Variants in ARK2C observed in about 807,000 individuals in gnomAD.
The protein encoded by ARK2C is E3 ubiquitin-protein ligase ARK2C.
At chr18:46,415,419 G>A in the ARK2C span, among the ~76,000 whole-genome samples, 5 of 151,888 alleles carry the variant, frequency 3.3e-5, no homozygotes, top group African/African-American at 9.7e-5. Context: ...CCAGCTACTC[G>A]GGAGGCTGAG....
chr18:46,384,942 C>T, the ARK2C span, among the ~76,000 whole-genome samples: 1 of 152,248 alleles, frequency 6.6e-6, no homozygotes, highest in Non-Finnish European at 1.5e-5. Flanking sequence ...AGCCAGGGCA[C>T]ACACACAGCT....
chr18:46,431,143 G>A, the ARK2C span, among the ~76,000 whole-genome samples: 1 of 152,154 alleles, frequency 6.6e-6, no homozygotes, highest in Admixed American at 6.5e-5. Context: ...AGCATGCGGT[G>A]TTTGGTTTTC....
the ARK2C span, among the ~76,000 whole-genome samples, chr18:46,397,666 TTGTGTG>T: frequency 1.5e-4 from 9 of 59,410 alleles, no homozygotes; most frequent in African/African-American, 6.1e-4. Context: ...TGGGGCAGAA[TTGTGTG>T]TGTGTGTGTG....
the ARK2C span, among the ~76,000 whole-genome samples, chr18:46,367,420 C>T: frequency 6.6e-6 from 1 of 152,060 alleles, no homozygotes; most frequent in African/African-American, 2.4e-5. Flanking sequence ...ATAGTAGTGA[C>T]CTGAAAAAGA....
chr18:46,416,415 C>G, the ARK2C span, among the ~76,000 whole-genome samples: 10 of 152,210 alleles, frequency 6.6e-5, no homozygotes, highest in Non-Finnish European at 1.3e-4. Flanking sequence ...TGCATCCAGC[C>G]CTGTCCTGAG....
At chr18:46,392,058 C>A in the ARK2C span, among the ~76,000 whole-genome samples, 12 of 151,700 alleles carry the variant, frequency 7.9e-5, no homozygotes, top group African/African-American at 2.7e-4. Context: ...AACACACACA[C>A]CACACACAAT....
chr18:46,409,185 T>C, the ARK2C span, among the ~76,000 whole-genome samples: 2 of 152,180 alleles, frequency 1.3e-5, no homozygotes, highest in Non-Finnish European at 2.9e-5. Context: ...AGAATGTTGA[T>C]GCCTCAAAAG....
the ARK2C span, among the ~76,000 whole-genome samples, chr18:46,387,754 AG>A: frequency 6.6e-6 from 1 of 152,262 alleles, no homozygotes; most frequent in Non-Finnish European, 1.5e-5. Flanking sequence ...TTCATCATCG[AG>A]GACTGCTGAA....
the ARK2C span, among the ~76,000 whole-genome samples, chr18:46,390,473 C>T: frequency 6.6e-6 from 1 of 152,198 alleles, no homozygotes; most frequent in Non-Finnish European, 1.5e-5. Context: ...GCTTCTATGT[C>T]TTCGGGTAGT....
At chr18:46,451,180 A>G in the ARK2C span, among the ~76,000 whole-genome samples, 1 of 152,210 alleles carries the variant, frequency 6.6e-6, no homozygotes, top group Non-Finnish European at 1.5e-5. Flanking sequence ...AAATAATTCT[A>G]TGTCCAATCT....
the ARK2C span, among the ~76,000 whole-genome samples, chr18:46,415,726 G>A: frequency 6.6e-6 from 1 of 152,040 alleles, no homozygotes; most frequent in Non-Finnish European, 1.5e-5. Context: ...TTGAGCCTCA[G>A]TTTCTTCATC....
chr18:46,407,343 G>GCTGCC, the ARK2C span, among the ~76,000 whole-genome samples: 1 of 152,126 alleles, frequency 6.6e-6, no homozygotes, highest in African/African-American at 2.4e-5. Flanking sequence ...ACTGAGAATT[G>GCTGCC]CTGCCCATGG....
the ARK2C span, among the ~76,000 whole-genome samples, chr18:46,357,908 G>C: frequency 6.6e-6 from 1 of 152,192 alleles, no homozygotes; most frequent in Non-Finnish European, 1.5e-5. Flanking sequence ...CTCTCTTCTG[G>C]GGGTTGCTGG....
chr18:46,359,309 G>A, the ARK2C span, among the ~76,000 whole-genome samples: 2 of 152,146 alleles, frequency 1.3e-5, no homozygotes, highest in Non-Finnish European at 2.9e-5. Flanking sequence ...TTCACAAAAC[G>A]ATGAACGTGA....
the ARK2C span, among the ~76,000 whole-genome samples, chr18:46,427,730 G>C: frequency 1.3e-5 from 2 of 152,232 alleles, no homozygotes; most frequent in African/African-American, 4.8e-5. Flanking sequence ...CACCAAGCCA[G>C]GTGCGTGGGG....
chr18:46,430,043 G>A, the ARK2C span, among the ~76,000 whole-genome samples: 5 of 152,304 alleles, frequency 3.3e-5, no homozygotes, highest in African/African-American at 9.6e-5. Context: ...AGATCCCTGC[G>A]CAGCTGTGTG....
At chr18:46,335,496 C>T in the ARK2C span, 1 of 152,268 alleles carries the variant, frequency 6.6e-6, no homozygotes, top group African/African-American at 2.4e-5. Flanking sequence ...CCTCTGGACT[C>T]ACATTTCTCG....
chr18:46,360,610 C>A, the ARK2C span, among the ~76,000 whole-genome samples: 2 of 152,214 alleles, frequency 1.3e-5, no homozygotes, highest in Non-Finnish European at 1.5e-5. Flanking sequence ...AAGCACCAGG[C>A]AGCCCCAGGC....
At chr18:46,384,127 T>A in the ARK2C span, among the ~76,000 whole-genome samples, 2 of 151,988 alleles carry the variant, frequency 1.3e-5, no homozygotes, top group Non-Finnish European at 2.9e-5. Context: ...GAAGACAGAG[T>A]TGGTACAGCA....
Sources: allele counts gnomAD v4.1 joint callset (sites outside exome capture counted in the v4.1 genomes callset), GRCh38; gene constraint gnomAD v4.1.1; transcripts MANE v1.5; gene names NCBI Gene and HGNC (gene_info 2026-07-23, HGNC 2026-07-21).